PDK1: variants seen among roughly 807,000 people sequenced by gnomAD.
The protein encoded by PDK1 is [Pyruvate dehydrogenase (acetyl-transferring)] kinase isozyme 1, mitochondrial.
Under a neutral mutation model 54.2 loss-of-function variants are expected in PDK1, and 39 were observed. The ratio of observed to expected loss-of-function variants is 0.72; its 90% CI spans 0.56 to 0.94. PDK1 has a LOEUF of 0.94. Ranked by LOEUF, PDK1 falls within the 40% of genes least tolerant of loss-of-function variation. The pLI is 0.00. For synonymous variants in PDK1, 221 were observed against 207.1 expected (o/e 1.07, Z -0.58); for missense variants, 552 against 566.0 (o/e 0.98, Z 0.25).
the PDK1 span, among the ~76,000 whole-genome samples, chr2:172,651,413 A>T: frequency 6.6e-6 from 1 of 152,254 alleles, no homozygotes; most frequent in Non-Finnish European, 1.5e-5. Flanking sequence ...AAATTAAAAG[A>T]ACTAGAGAAG....
chr2:172,614,343 A>T, the PDK1 span, among the ~76,000 whole-genome samples: 1 of 152,162 alleles, frequency 6.6e-6, no homozygotes, highest in Admixed American at 6.5e-5. Flanking sequence ...GTGGGGACTC[A>T]TGCTCTTCCG....
chr2:172,689,940 G>A, the PDK1 span, among the ~76,000 whole-genome samples: 1 of 150,288 alleles, frequency 6.7e-6, no homozygotes, highest in Admixed American at 6.8e-5. Flanking sequence ...ATAGGCATGG[G>A]CAAGGACTTC....
chr2:172,569,591 G>A (rs1371801234), intron 7 of PDK1, among the ~76,000 whole-genome samples: 1 of 152,102 alleles, frequency 6.6e-6, no homozygotes, highest in Non-Finnish European at 1.5e-5. Context: ...ATCTGATAAT[G>A]TAAAGGAAAA....
At chr2:172,666,450 G>A in the PDK1 span, among the ~76,000 whole-genome samples, 3 of 152,220 alleles carry the variant, frequency 2.0e-5, no homozygotes, top group Non-Finnish European at 2.9e-5. Context: ...GAGCAATGGC[G>A]AGAGCACACC....
At chr2:172,560,940 G>T (rs1278923510) in intron 2 of PDK1, among the ~76,000 whole-genome samples, 1 of 152,190 alleles carries the variant, frequency 6.6e-6, no homozygotes, top group Non-Finnish European at 1.5e-5. Flanking sequence ...TATGATTCAT[G>T]GAGATTCAAG....
At chr2:172,649,006 T>G in the PDK1 span, among the ~76,000 whole-genome samples, 9 of 152,282 alleles carry the variant, frequency 5.9e-5, no homozygotes, top group East Asian at 1.7e-3. Context: ...GCACGGAGTT[T>G]GAGATCTGAG....
At chr2:172,676,097 A>C in the PDK1 span, among the ~76,000 whole-genome samples, 1 of 152,130 alleles carries the variant, frequency 6.6e-6, no homozygotes, top group East Asian at 1.9e-4. Flanking sequence ...GCTCAGAAAA[A>C]AATAGTTCTT....
chr2:172,700,675 C>T, the PDK1 span, among the ~76,000 whole-genome samples: 10 of 152,180 alleles, frequency 6.6e-5, no homozygotes, highest in Admixed American at 3.3e-4. Flanking sequence ...GAGGTTGTAG[C>T]GGGCAGAGAT....
At chr2:172,616,089 C>A in the PDK1 span, among the ~76,000 whole-genome samples, 1 of 152,138 alleles carries the variant, frequency 6.6e-6, no homozygotes, top group Admixed American at 6.5e-5. Context: ...ATCCCTTAGA[C>A]TAAAGGTCTA....
chr2:172,657,387 A>G, the PDK1 span, among the ~76,000 whole-genome samples: 1 of 87,146 alleles, frequency 1.1e-5, no homozygotes, highest in African/African-American at 3.5e-5. Context: ...GAGAATGATG[A>G]CTTCCAAGTT....
At chr2:172,664,185 C>T in the PDK1 span, among the ~76,000 whole-genome samples, 1 of 151,580 alleles carries the variant, frequency 6.6e-6, no homozygotes, top group Non-Finnish European at 1.5e-5. Context: ...GTGGCACGCA[C>T]CTGTAATCCC....
chr2:172,613,434 CT>C (rs1553488807), downstream of PDK1, among the ~76,000 whole-genome samples: 1 of 152,140 alleles, frequency 6.6e-6, no homozygotes, highest in Non-Finnish European at 1.5e-5. Context: ...AATCCTTATC[CT>C]TATTTGACCT....
rs146677505 is a variant in PDK1, at chr2:172,594,124, G to A, written c.1170+1076G>A. Among the ~76,000 whole-genome samples the A allele has an allele frequency of 5.4e-3, 804 of 148,296 alleles. 9 individuals carry two copies. Among genetic ancestry groups the A allele is most frequent in the African/African-American group, 0.019 (750 of 39,988 alleles). On this transcript the variant is annotated intron_variant, in intron 10 of 10. Transcript: ENST00000282077. ...ATGATCTCGGCTCACTGCAACCTCC[G>A]CCTCCCGGGTTCAAGCTGTTCTCCT... is the stretch of plus-strand genomic sequence containing the variant.
At chr2:172,658,452 G>A in the PDK1 span, among the ~76,000 whole-genome samples, 1 of 152,100 alleles carries the variant, frequency 6.6e-6, no homozygotes, top group African/African-American at 2.4e-5. Context: ...TGTAAAACAT[G>A]TGTGTTTGAA....
At chr2:172,706,982 C>T in the PDK1 span, among the ~76,000 whole-genome samples, 1 of 152,166 alleles carries the variant, frequency 6.6e-6, no homozygotes, top group Non-Finnish European at 1.5e-5. Context: ...TCCACTGACA[C>T]CACCAGCTAG....
chr2:172,591,736 T>G (rs2149291511), intron 9 of PDK1, among the ~76,000 whole-genome samples: 1 of 152,320 alleles, frequency 6.6e-6, no homozygotes, highest in African/African-American at 2.4e-5. Context: ...CTGTTAACTT[T>G]TAGCAAACTT....
chr2:172,719,803 C>T, the PDK1 span, among the ~76,000 whole-genome samples: 1 of 152,162 alleles, frequency 6.6e-6, no homozygotes, highest in Non-Finnish European at 1.5e-5. Flanking sequence ...TAACATATTA[C>T]TAATGGTTAT....
In PDK1 at chr2:172,583,536, C is replaced by T. The variant is rs116975897; in HGVS notation, c.946-2742C>T. On this transcript the variant is annotated intron_variant, in intron 8 of 10. Transcript: ENST00000282077. ...CTCGAACTGCTGACCTCAAGTGATT[C>T]GCCGGCCTTGCCTCCCAAAGTGCTG... Among the ~76,000 whole-genome samples, 2,419 of 151,806 alleles carry T rather than the reference C, an allele frequency of 0.016. 262 individuals carry two copies. The East Asian group carries it at 0.31, about 19-fold the overall frequency.
At chr2:172,558,401 C>T (rs763119097) in intron 1 of PDK1, 6 of 238,224 alleles carry the variant, frequency 2.5e-5, no homozygotes, top group Non-Finnish European at 4.0e-5. Context: ...CAGACATGCT[C>T]AGGTTACCTA....
Sources: allele counts gnomAD v4.1 joint callset (sites outside exome capture counted in the v4.1 genomes callset), GRCh38; gene constraint gnomAD v4.1.1; transcripts MANE v1.5; gene names NCBI Gene and HGNC (gene_info 2026-07-23, HGNC 2026-07-21).